ATF7IP: variants seen among roughly 807,000 people sequenced by gnomAD.
ATF7IP encodes activating transcription factor 7 interacting protein, also known as activating transcription factor 7-interacting protein 1.
A neutral mutation model predicts 106.4 loss-of-function variants in ATF7IP; 23 were observed. That is an observed-to-expected ratio of 0.22 (90% CI 0.16 to 0.31). ATF7IP has a LOEUF of 0.31. Among genes scored for constraint, ATF7IP ranks in the 10% least tolerant of loss-of-function variants. The pLI, the probability that ATF7IP is intolerant of heterozygous loss-of-function variation, is 1.00. For synonymous variants in ATF7IP, 542 were observed against 539.0 expected (o/e 1.01, Z -0.08); for missense variants, 1,334 against 1,524.3 (o/e 0.88, Z 2.08).
At chr12:14,458,835 A>AG (rs1352475090) in intron 8 of ATF7IP, among the ~76,000 whole-genome samples, 1 of 152,156 alleles carries the variant, frequency 6.6e-6, no homozygotes, top group African/African-American at 2.4e-5. Flanking sequence ...AAAAAAAAAA[A>AG]AATCCATTCC....
Position 14,405,320 on chromosome 12 carries a change from A to G in ATF7IP, c.-7-18589A>G, listed in dbSNP as rs1393066139. ...GGATAACCAGCAATCTTGCTCTGCTATAGAAGATAAATAGTTGGTACAAAG... is the reference window on the plus strand; with the variant it reads ...GGATAACCAGCAATCTTGCTCTGCTGTAGAAGATAAATAGTTGGTACAAAG... On this transcript the variant is annotated intron_variant, in intron 1 of 14. Transcript: ENST00000261168. 2.6e-5 allele frequency among the ~76,000 whole-genome samples: 4 copies of G among 151,118 alleles called. No homozygotes were observed. In the East Asian group the frequency reaches 7.9e-4, roughly 30 times the overall value.
intron 5 of ATF7IP, among the ~76,000 whole-genome samples, chr12:14,439,834 A>C (rs991541433): frequency 7.2e-6 from 1 of 139,380 alleles, no homozygotes; most frequent in Non-Finnish European, 1.6e-5. Context: ...CTCTGTCTCC[A>C]AAATAAATCC....
chr12:14,383,205 A>ATG (rs767486273), intron 1 of ATF7IP, among the ~76,000 whole-genome samples: 4 of 152,130 alleles, frequency 2.6e-5, no homozygotes, highest in African/African-American at 9.7e-5. Context: ...CGGATTAGGG[A>ATG]TGTCCAACCT....
At chr12:14,438,573 T>G (rs2136630793) in intron 5 of ATF7IP, among the ~76,000 whole-genome samples, 1 of 152,290 alleles carries the variant, frequency 6.6e-6, no homozygotes, top group South Asian at 2.1e-4. Flanking sequence ...TACTGTAGCT[T>G]CTGTTGGTTT....
At chr12:14,457,961 G>A (rs1041406044) in intron 8 of ATF7IP, among the ~76,000 whole-genome samples, 7 of 151,896 alleles carry the variant, frequency 4.6e-5, no homozygotes, top group African/African-American at 1.7e-4. Context: ...AGGCATGATG[G>A]CTGGTGCCTG....
chr12:14,433,575 CA>C (rs966413862), intron 2 of ATF7IP, among the ~76,000 whole-genome samples: 44 of 150,860 alleles, frequency 2.9e-4, no homozygotes, highest in African/African-American at 1.1e-3. Flanking sequence ...GAGGCTAAGG[CA>C]GGAGAATCAC....
rs150179759 is a variant in ATF7IP at position 14,424,390 on chromosome 12, C to T, written c.475C>T (p.Pro159Ser). 3.7e-6 allele frequency: 6 copies of T among 1,613,694 alleles called. No homozygotes were observed. The highest frequency in any genetic ancestry group is 1.7e-5 in the Admixed American group (1 of 59,990). Reference sequence around the variant, plus strand: ...CTCTGGTGATTCCACCTCTGGTGATCCCACCTCTAGCGAGCCCTCCTCTAG... The same window carrying T: ...CTCTGGTGATTCCACCTCTGGTGATTCCACCTCTAGCGAGCCCTCCTCTAG... ...LASGDSTSGD[P>S]TSSEPSSSDA... The change falls in exon 2 of 15, where the codon CCC becomes TCC. Residue 159 changes from proline to serine, a missense_variant. Around this residue, in one of 10 missense-constraint regions of ATF7IP, gnomAD observed 438 missense variants for 405.3 expected, o/e 1.08. Transcript: ENST00000261168.
At chr12:14,390,982 A>G (rs1939516138) in intron 1 of ATF7IP, among the ~76,000 whole-genome samples, 1 of 152,262 alleles carries the variant, frequency 6.6e-6, no homozygotes, top group East Asian at 1.9e-4. Flanking sequence ...TTTTCTAGTT[A>G]GAGTTCAACT....
chr12:14,487,899 G>A (rs539877338), intron 13 of ATF7IP, among the ~76,000 whole-genome samples: 20 of 152,286 alleles, frequency 1.3e-4, no homozygotes, highest in African/African-American at 4.8e-4. Context: ...AAGGTATCGT[G>A]TATAGAGTCC....
At chr12:14,461,734 A>G (rs1943644764) in intron 9 of ATF7IP, among the ~76,000 whole-genome samples, 1 of 152,172 alleles carries the variant, frequency 6.6e-6, no homozygotes. Flanking sequence ...CCTGTTTAAA[A>G]TCTGCCAAAC....
chr12:14,429,632 G>C (rs2136581155), intron 2 of ATF7IP, among the ~76,000 whole-genome samples: 1 of 152,252 alleles, frequency 6.6e-6, no homozygotes, highest in South Asian at 2.1e-4. Context: ...TAGAATTTGA[G>C]ACTTCCTTCT....
intron 1 of ATF7IP, among the ~76,000 whole-genome samples, chr12:14,397,427 T>A (rs570254623): frequency 3.4e-4 from 52 of 152,340 alleles, no homozygotes; most frequent in Non-Finnish European, 6.3e-4. Context: ...CACAGGAACC[T>A]ACTGTTTGAT....
At chr12:14,457,631 A>T (rs7962318) in intron 8 of ATF7IP, among the ~76,000 whole-genome samples, 1 of 152,178 alleles carries the variant, frequency 6.6e-6, no homozygotes, top group Non-Finnish European at 1.5e-5. Context: ...TCTCTATTGT[A>T]GTAGTTCACA....
chr12:14,432,412 A>G lies in ATF7IP; in HGVS notation c.1559-1925A>G, dbSNP rs185807184. Among the ~76,000 whole-genome samples the G allele has an allele frequency of 4.6e-4, 70 of 152,348 alleles. 1 individual carries two copies. The highest frequency in any genetic ancestry group is 4.6e-3 in the Admixed American group (70 of 15,304). The stretch of plus-strand genomic sequence containing the variant: ...ATGAGTTTGTGATCTGTTTACAAGA[A>G]AGCAAACAAATTTTTATTTCACTGA... On this transcript the variant is annotated intron_variant, in intron 2 of 14. Coordinates refer to ENST00000261168, the MANE Select transcript of ATF7IP (RefSeq NM_018179.5).
rs1179394761 is a variant in ATF7IP at position 14,460,651 on chromosome 12, C to G, written c.2315C>G (p.Pro772Arg). 6.2e-7 allele frequency: 1 copy of G among 1,614,028 alleles called. No individual in the cohort carries two copies. The highest frequency in any genetic ancestry group is 2.2e-5 in the East Asian group (1 of 44,894). ...ACTACTCAGGTGCCTAGTGGAAATC[C>G]CCAGCCTACAATCTCTTTACAGCCT... ...VATTQVPSGN[P>R]QPTISLQPLP... The change falls in exon 9 of 15, where the codon CCC (proline) becomes CGC (arginine). Residue 772 changes from proline (P) to arginine (R), a missense_variant. By Grantham distance (103) the Pro-to-Arg change is moderately radical (BLOSUM62 -2). Transcript: ENST00000261168.
At chr12:14,419,971 A>G (rs564093026) in intron 1 of ATF7IP, 6 of 152,372 alleles carry the variant, frequency 3.9e-5, no homozygotes, top group Admixed American at 6.5e-5. Flanking sequence ...ACAAAGTGCT[A>G]GAATCTCAAG....
intron 1 of ATF7IP, among the ~76,000 whole-genome samples, chr12:14,390,695 C>A (rs551439024): frequency 2.0e-5 from 3 of 152,064 alleles, no homozygotes; most frequent in Non-Finnish European, 2.9e-5. Flanking sequence ...TTTTCTTAAC[C>A]GTACACTAGA....
At chr12:14,411,422 GA>G (rs1337155714) in intron 1 of ATF7IP, among the ~76,000 whole-genome samples, 3 of 152,118 alleles carry the variant, frequency 2.0e-5, no homozygotes, top group Non-Finnish European at 4.4e-5. Flanking sequence ...AGCATTAGGA[GA>G]AAAACCTAAT....
At chr12:14,475,565 G>A (rs377670664) in intron 10 of ATF7IP, among the ~76,000 whole-genome samples, 2 of 152,312 alleles carry the variant, frequency 1.3e-5, no homozygotes, top group African/African-American at 4.8e-5. Flanking sequence ...ATAATTTAGA[G>A]TAGTATTGAT....
Sources: gnomAD v4.1 joint callset for allele counts (sites outside exome capture counted in the v4.1 genomes callset) on GRCh38, gnomAD v4.1.1 for gene constraint, gnomAD v4.1.1 regional missense constraint, MANE v1.5 for transcripts, NCBI Gene and HGNC (gene_info 2026-07-23, HGNC 2026-07-21) for gene names.